F2: variants seen among roughly 807,000 people sequenced by gnomAD.
The protein encoded by F2 is coagulation factor II, thrombin, also known as prothrombin.
A neutral mutation model predicts 81.9 loss-of-function variants in F2; 34 were observed. The ratio of observed to expected loss-of-function variants is 0.42; its 90% CI spans 0.32 to 0.55. The LOEUF (loss-of-function observed/expected upper bound fraction) is 0.55, where lower values mean the gene tolerates loss of function less well. Ranked by LOEUF, F2 falls within the 20% of genes least tolerant of loss-of-function variation. F2 has a pLI of 0.18. For synonymous variants in F2, 296 were observed against 326.4 expected (o/e 0.91, Z 1.01); for missense variants, 630 against 833.4 (o/e 0.76, Z 3.00).
Position 46,728,609 on chromosome 11 carries a change from G to T in F2, c.1299-55G>T. 6.2e-7 allele frequency: 1 copy of T among 1,604,642 alleles called. No homozygotes were observed. Among genetic ancestry groups the T allele is most frequent in the Admixed American group, 1.7e-5 (1 of 59,924 alleles). ...AGACCCCAAGGGCAGGCAGTTTCCTGCTCCTTGCTGGGTGAACCTGCAGCT... is the reference window on the plus strand; with the variant it reads ...AGACCCCAAGGGCAGGCAGTTTCCTTCTCCTTGCTGGGTGAACCTGCAGCT... On this transcript the variant is annotated intron_variant, in intron 10 of 13. Transcript: ENST00000311907. This position sits in a 1 kb window ranked among gnomAD's most constrained non-coding sequence, Gnocchi z 5.1.
intron 12 of F2, among the ~76,000 whole-genome samples, chr11:46,730,348 G>A (rs1426871204): frequency 6.6e-6 from 1 of 152,054 alleles, no homozygotes; most frequent in African/African-American, 2.4e-5. Context: ...GTTGGAGAAG[G>A]CCTCCCTGAG....
At position 46,739,079 on chromosome 11, in the gene F2, T is replaced by A; in HGVS notation, c.1686T>A (p.Asp562Glu). 1 of 1,614,142 alleles carries A rather than the reference T, an allele frequency of 6.2e-7. No individual in the cohort carries two copies. The highest frequency in any genetic ancestry group is 8.5e-7 in the Non-Finnish European group (1 of 1,180,026). Residue 562 changes from aspartate (D) to glutamate (E), a missense_variant, in exon 13 of 14, where the codon GAT becomes GAA. Physicochemically the swap from Asp to Glu is conservative, Grantham distance 45. Transcript: ENST00000311907. ...GYKPDEGKRGDACEGDSGGPF... is the reference protein window; with the variant it reads ...GYKPDEGKRGEACEGDSGGPF... ...AGCCTGATGAAGGGAAACGAGGGGA[T>A]GCCTGTGAAGGTGACAGTGGGGGAC...
Position 46,726,219 on chromosome 11 carries a change from G to T in F2, c.874+46G>T. 6.2e-7 allele frequency: 1 copy of T among 1,606,240 alleles called. No homozygotes were observed. Among genetic ancestry groups the T allele is most frequent in the Non-Finnish European group, 8.5e-7 (1 of 1,177,972 alleles). On this transcript the variant is annotated intron_variant, in intron 7 of 13. Transcript: ENST00000311907. The surrounding 1 kb of genome is among the most constrained non-coding windows in gnomAD (Gnocchi z 5.9). ...GCCTGAGTTGCAGGGACAAATCCTG[G>T]TGGGAATAACAACAGCCGCTTCTGC...
chr11:46,738,891 C>T (rs765479774), intron 12 of F2, among the ~76,000 whole-genome samples, 157 bp from the exon 13 acceptor site: 10 of 152,118 alleles, frequency 6.6e-5, no homozygotes, highest in Non-Finnish European at 8.8e-5. Context: ...AAGGTAGAGC[C>T]GACAAGATTT....
chr11:46,721,968 G>C lies in F2; in HGVS notation c.316+1128G>C, dbSNP rs550784761. Among the ~76,000 whole-genome samples, 124 of 151,824 alleles carry C rather than the reference G, an allele frequency of 8.2e-4. 1 individual carries two copies. The highest frequency in any genetic ancestry group is 3.0e-3 in the African/African-American group (122 of 41,352). ...AGTGATTCTCCTGCCTTAGCCTCCTGAGTAGCTGGGATTACAGGCACACAC... is the reference window on the plus strand; with the variant it reads ...AGTGATTCTCCTGCCTTAGCCTCCTCAGTAGCTGGGATTACAGGCACACAC... On this transcript the variant is annotated intron_variant, in intron 4 of 13. Coordinates refer to ENST00000311907, the MANE Select transcript of F2 (RefSeq NM_000506.5).
chr11:46,725,338 G>A (rs1476667296), intron 6 of F2, among the ~76,000 whole-genome samples: 1 of 151,794 alleles, frequency 6.6e-6, no homozygotes, highest in African/African-American at 2.4e-5. Flanking sequence ...CAAAGTTCTG[G>A]GATTACAGGT....
intron 12 of F2, among the ~76,000 whole-genome samples, chr11:46,735,263 A>G (rs1337921603): frequency 2.0e-5 from 3 of 151,868 alleles, no homozygotes; most frequent in Non-Finnish European, 4.4e-5. Context: ...AACATGGTGA[A>G]ACCCTCGTCT....
chr11:46,736,126 C>A (rs1308841661), intron 12 of F2, among the ~76,000 whole-genome samples: 1 of 152,124 alleles, frequency 6.6e-6, no homozygotes, highest in Non-Finnish European at 1.5e-5. Context: ...TCACTTGAAC[C>A]TGGGAGGAGG....
intron 2 of F2, chr11:46,720,077 C>CA (rs1459767340): frequency 2.6e-5 from 17 of 657,446 alleles, no homozygotes; most frequent in Non-Finnish European, 4.4e-5. Flanking sequence ...AGCTCCATGA[C>CA]ATGGGGAGGC....
rs1267068252 is a variant in F2, at chr11:46,719,232, C to T, written c.-4C>T. ...TTCCTCAGTGACCCAGGAGCTGACA[C>T]ACTATGGCGCACGTCCGAGGCTTGC... On this transcript the variant is annotated 5_prime_UTR_variant, in exon 1 of 14. Coordinates refer to ENST00000311907, the MANE Select transcript of F2 (RefSeq NM_000506.5). This position sits in a 1 kb window ranked among gnomAD's most constrained non-coding sequence, Gnocchi z 4.7. The T allele has an allele frequency of 6.2e-7, 1 of 1,613,750 alleles. No individual in the cohort carries two copies. The highest frequency in any genetic ancestry group is 1.3e-5 in the African/African-American group (1 of 74,954).
At chr11:46,734,919 T>TA (rs2064935094) in intron 12 of F2, among the ~76,000 whole-genome samples, 1 of 152,240 alleles carries the variant, frequency 6.6e-6, no homozygotes, top group Non-Finnish European at 1.5e-5. Flanking sequence ...TTTCTGCACT[T>TA]AGATTCCTGA....
In F2 at chr11:46,723,302, C is replaced by A. The variant is rs2064849916; in HGVS notation, c.422+17C>A. Reference sequence around the variant, plus strand: ...TAAGCCTGAGTGAGTGAGGGGCCGGCCTTCCCACCATGGGCTGAGAACAGG... The same window carrying A: ...TAAGCCTGAGTGAGTGAGGGGCCGGACTTCCCACCATGGGCTGAGAACAGG... On this transcript the variant is annotated intron_variant, in intron 5 of 13. Transcript: ENST00000311907. The surrounding 1 kb of genome is among the most constrained non-coding windows in gnomAD (Gnocchi z 5.6). 2 of 1,613,458 alleles carry A rather than the reference C, an allele frequency of 1.2e-6. No homozygotes were observed. Among genetic ancestry groups the A allele is most frequent in the Non-Finnish European group, 1.7e-6 (2 of 1,179,404 alleles).
chr11:46,723,718 C>T lies in F2; in HGVS notation c.559+200C>T, dbSNP rs1254256974. Among the ~76,000 whole-genome samples, 1 of 152,182 alleles carries T rather than the reference C, an allele frequency of 6.6e-6. No homozygotes were observed. The highest frequency in any genetic ancestry group is 2.4e-5 in the African/African-American group (1 of 41,456). On this transcript the variant is annotated intron_variant, in intron 6 of 13. Coordinates refer to ENST00000311907, the MANE Select transcript of F2 (RefSeq NM_000506.5). The surrounding 1 kb of genome is among the most constrained non-coding windows in gnomAD (Gnocchi z 5.6). Reference sequence around the variant, plus strand: ...CCAGCTGGGCCAACATGGCAAAACCCCGTCTCTACTAAAAATACAAAAATT... The same window carrying T: ...CCAGCTGGGCCAACATGGCAAAACCTCGTCTCTACTAAAAATACAAAAATT...
chr11:46,731,366 T>C (rs1339616725), intron 12 of F2, among the ~76,000 whole-genome samples: 1 of 129,314 alleles, frequency 7.7e-6, no homozygotes, highest in African/African-American at 3.0e-5. Flanking sequence ...TTTTTAGTAG[T>C]GATGGGGTTT....
rs766903636 is a variant in F2, at chr11:46,728,840, G to C, written c.1472+3G>C. 2 of 1,613,320 alleles carry C rather than the reference G, an allele frequency of 1.2e-6. No individual in the cohort carries two copies. The highest frequency in any genetic ancestry group is 2.7e-5 in the African/African-American group (2 of 75,054). On this transcript the variant is annotated splice_donor_region_variant and intron_variant, in intron 11 of 13. Coordinates refer to ENST00000311907, the MANE Select transcript of F2 (RefSeq NM_000506.5). This position sits in a 1 kb window ranked among gnomAD's most constrained non-coding sequence, Gnocchi z 5.1. Reference sequence around the variant, plus strand: ...CCCGACAGGGAGACGGCAGCCAGGTGGGCCACCAGATGCTTGTTAGCTGAG... The same window carrying C: ...CCCGACAGGGAGACGGCAGCCAGGTCGGCCACCAGATGCTTGTTAGCTGAG...
At chr11:46,725,491 T>C (rs1486335307) in intron 6 of F2, among the ~76,000 whole-genome samples, 2 of 152,090 alleles carry the variant, frequency 1.3e-5, no homozygotes, top group African/African-American at 4.8e-5. Flanking sequence ...AATTGACCCA[T>C]CCAGGTGAAC....
At chr11:46,738,288 A>T (rs923820795) in intron 12 of F2, among the ~76,000 whole-genome samples, 3 of 151,994 alleles carry the variant, frequency 2.0e-5, no homozygotes, top group South Asian at 2.1e-4. Flanking sequence ...TGTGAGCCAC[A>T]GCACCTAGTG....
Position 46,719,637 on chromosome 11 carries a change from C to A in F2, c.80-65C>A, listed in dbSNP as rs533887406. 3.2e-5 allele frequency: 50 copies of A among 1,546,300 alleles called. No individual in the cohort carries two copies. In the East Asian group the frequency reaches 1.2e-3, roughly 36 times the overall value. On this transcript the variant is annotated intron_variant, in intron 1 of 13. Transcript: ENST00000311907. The surrounding 1 kb of genome is among the most constrained non-coding windows in gnomAD (Gnocchi z 4.7). ...GGGGAGGGTGGGCTTGCTTCATGCC[C>A]CCAGAATGGCCAAGACTGCCTGTTC...
chr11:46,734,419 C>A (rs952258440), intron 12 of F2, among the ~76,000 whole-genome samples: 3 of 151,770 alleles, frequency 2.0e-5, no homozygotes, highest in Non-Finnish European at 2.9e-5. Flanking sequence ...GTTTTTTTAA[C>A]CTCATGTATA....
Sources: gnomAD v4.1 joint callset for allele counts (sites outside exome capture counted in the v4.1 genomes callset) on GRCh38, gnomAD v4.1.1 for gene constraint, Gnocchi (gnomAD v3.1) non-coding constraint, MANE v1.5 for transcripts, NCBI Gene and HGNC (gene_info 2026-07-23, HGNC 2026-07-21) for gene names.